The following DENND1B variants were observed in gnomAD, a reference collection of about 807,000 sequenced individuals.
The protein encoded by DENND1B is DENN domain containing 1B.
Under a neutral mutation model 90.1 loss-of-function variants are expected in DENND1B, and 59 were observed. The observed-to-expected ratio is 0.65, with a 90% CI of 0.53 to 0.81. DENND1B has a LOEUF of 0.81. DENND1B is among the 40% of genes least tolerant of loss of function. The pLI is 0.00. For missense variants in DENND1B, 862 were observed against 912.6 expected, an observed-to-expected ratio of 0.94 and a Z score of 0.71; for synonymous variants, 337 against 324.6, an observed-to-expected ratio of 1.04 and a Z score of -0.41.
At position 197,643,948 on chromosome 1, in the gene DENND1B, C is replaced by T. The variant is rs534085454; in HGVS notation, c.562-1127G>A. ...AACTGTAGCATCAGGTGGGCTATGA[C>T]CTAGTAGGCTAAAACTTCTAGTCAG... is the stretch of plus-strand genomic sequence containing the variant. On this transcript the variant is annotated intron_variant, in intron 9 of 22. Coordinates refer to ENST00000620048, the MANE Select transcript of DENND1B (RefSeq NM_001195215.2). Among the ~76,000 whole-genome samples the T allele has an allele frequency of 1.1e-4, 16 of 152,260 alleles. No homozygotes were observed. The East Asian group carries it at 3.1e-3, about 29-fold the overall frequency.
At chr1:197,775,981 G>C (rs1010232234), upstream of DENND1B, among the ~76,000 whole-genome samples, 2 of 152,164 alleles carry the variant, frequency 1.3e-5, no homozygotes, top group Non-Finnish European at 2.9e-5. Context: ...ATGTGCACCT[G>C]CTAAATAGCC....
intron 6 of DENND1B, among the ~76,000 whole-genome samples, chr1:197,655,824 G>A (rs917275487): frequency 5.6e-4 from 85 of 152,034 alleles, no homozygotes; most frequent in African/African-American, 1.8e-3. Context: ...GAGCCACCGC[G>A]CCCGGCCCAT....
At chr1:197,644,714 G>GA in intron 9 of DENND1B, among the ~76,000 whole-genome samples, 1 of 152,278 alleles carries the variant, frequency 6.6e-6, no homozygotes, top group East Asian at 1.9e-4. Context: ...CATCTGTACT[G>GA]AAAACACCAT....
At chr1:197,582,994 C>T (rs1264159925) in intron 15 of DENND1B, among the ~76,000 whole-genome samples, 158 bp downstream of exon 15, 1 of 152,136 alleles carries the variant, frequency 6.6e-6, no homozygotes, top group Non-Finnish European at 1.5e-5. Flanking sequence ...TTCTAGAGTG[C>T]TATGTCATAA....
chr1:197,597,832 A>G (rs1049389416), intron 13 of DENND1B, among the ~76,000 whole-genome samples: 8 of 151,972 alleles, frequency 5.3e-5, no homozygotes, highest in South Asian at 2.1e-4. Context: ...TCAGTCATAT[A>G]CACACTTGAT....
chr1:197,568,737 C>T (rs929590656), intron 15 of DENND1B, among the ~76,000 whole-genome samples: 3 of 152,164 alleles, frequency 2.0e-5, no homozygotes, highest in Non-Finnish European at 4.4e-5. Context: ...GTGCTAAGAA[C>T]ACAAAATGGA....
intron 15 of DENND1B, among the ~76,000 whole-genome samples, chr1:197,563,828 T>C (rs752908885): frequency 1.3e-5 from 2 of 151,924 alleles, no homozygotes; most frequent in African/African-American, 2.4e-5. Flanking sequence ...TCATGATTCA[T>C]AGGAAGAGGT....
chr1:197,718,691 G>A (rs1660873789), intron 2 of DENND1B, among the ~76,000 whole-genome samples: 1 of 152,066 alleles, frequency 6.6e-6, no homozygotes, highest in African/African-American at 2.4e-5. Flanking sequence ...ACTGACACAA[G>A]TTAGACAAGC....
At chr1:197,691,957 C>T (rs746107086) in intron 3 of DENND1B, among the ~76,000 whole-genome samples, 1 of 151,670 alleles carries the variant, frequency 6.6e-6, no homozygotes, top group African/African-American at 2.4e-5. Context: ...AGCCAGGGTC[C>T]GTGAGTAGAG....
chr1:197,683,683 T>G (rs1656928632), intron 3 of DENND1B, among the ~76,000 whole-genome samples: 1 of 152,160 alleles, frequency 6.6e-6, no homozygotes, highest in Non-Finnish European at 1.5e-5. Context: ...TTCTTCATAT[T>G]TTTATACTCC....
At chr1:197,515,123 G>A (rs529703893) in intron 20 of DENND1B, among the ~76,000 whole-genome samples, 2 of 151,686 alleles carry the variant, frequency 1.3e-5, no homozygotes, top group Admixed American at 1.3e-4. Context: ...CAAATTTATG[G>A]AACCTATAGG....
intron 2 of DENND1B, among the ~76,000 whole-genome samples, chr1:197,754,029 A>T (rs906583287): frequency 1.4e-4 from 21 of 151,924 alleles, no homozygotes; most frequent in South Asian, 8.3e-4. Flanking sequence ...TAAAATAAAT[A>T]AAATAAATTC....
At chr1:197,734,590 G>C in intron 2 of DENND1B, 1 of 981,608 alleles carries the variant, frequency 1.0e-6, no homozygotes, top group Non-Finnish European at 1.2e-6. Flanking sequence ...TTTCAAAATT[G>C]ACTGCAATAC....
chr1:197,695,396 A>G (rs531669793), intron 3 of DENND1B, among the ~76,000 whole-genome samples: 14 of 151,212 alleles, frequency 9.3e-5, no homozygotes, highest in African/African-American at 3.4e-4. Flanking sequence ...ACTGAAATAT[A>G]TAACTAATAA....
In DENND1B at chr1:197,749,965, G is replaced by A. The variant is rs115099410; in HGVS notation, c.82+22903C>T. On this transcript the variant is annotated intron_variant, in intron 2 of 22. Transcript: ENST00000620048. ...TGGGCTCAAGGAATCCTTCCCCTAA[G>A]CCTCCAGAGTAGCTGGGACTACAGG... Among the ~76,000 whole-genome samples, 1,283 of 152,158 alleles carry A rather than the reference G, an allele frequency of 8.4e-3. 17 individuals are homozygous for A. The highest frequency in any genetic ancestry group is 0.028 in the African/African-American group (1,176 of 41,516).
At chr1:197,634,522 G>A (rs763490708) in intron 10 of DENND1B, among the ~76,000 whole-genome samples, 41 of 152,086 alleles carry the variant, frequency 2.7e-4, no homozygotes, top group Non-Finnish European at 5.1e-4. Flanking sequence ...TCCTGTATAG[G>A]CTGAACAAGA....
upstream of DENND1B, among the ~76,000 whole-genome samples, chr1:197,776,620 G>A (rs747017727): frequency 1.3e-5 from 2 of 152,158 alleles, no homozygotes; most frequent in African/African-American, 2.4e-5. Context: ...TGTAGTGTGA[G>A]TCATAAGACA....
At chr1:197,580,880 G>A (rs1476777076) in intron 15 of DENND1B, among the ~76,000 whole-genome samples, 1 of 152,084 alleles carries the variant, frequency 6.6e-6, no homozygotes, top group Non-Finnish European at 1.5e-5. Context: ...CTCAACATAA[G>A]GAGTTCTTTA....
chr1:197,578,246 G>C (rs531271185), intron 15 of DENND1B, among the ~76,000 whole-genome samples: 2 of 151,914 alleles, frequency 1.3e-5, no homozygotes, highest in Non-Finnish European at 2.9e-5. Context: ...TGTTGTTGTT[G>C]TTGTTGTTGT....
Sources: gnomAD v4.1 joint callset for allele counts (sites outside exome capture counted in the v4.1 genomes callset) on GRCh38, gnomAD v4.1.1 for gene constraint, MANE v1.5 for transcripts, NCBI Gene and HGNC (gene_info 2026-07-23, HGNC 2026-07-21) for gene names.